The following TENM3 variants were observed in gnomAD, a reference collection of about 807,000 sequenced individuals.
The protein encoded by TENM3 is teneurin-3.
Under a neutral mutation model 255.1 loss-of-function variants are expected in TENM3, and 63 were observed. That is an observed-to-expected ratio of 0.25 (90% CI 0.20 to 0.30). The LOEUF is 0.30. TENM3 is among the 10% of genes least tolerant of loss of function. The probability of loss-of-function intolerance (pLI) is 1.00; values close to 1 mark genes in which losing one functional copy is unlikely to be tolerated. For missense variants in TENM3, 2,929 were observed against 3,461.1 expected, an observed-to-expected ratio of 0.85 and a Z score of 3.86; for synonymous variants, 1,306 against 1,322.3, an observed-to-expected ratio of 0.99 and a Z score of 0.27.
chr4:182,016,449 C>A, the TENM3 span, among the ~76,000 whole-genome samples: 1 of 152,220 alleles, frequency 6.6e-6, no homozygotes. Flanking sequence ...TTTGCAACTG[C>A]TTTGAACCTA....
intron 3 of TENM3, among the ~76,000 whole-genome samples, chr4:182,547,738 T>A (rs1197836251): frequency 1.3e-5 from 2 of 152,176 alleles, no homozygotes; most frequent in African/African-American, 4.8e-5. Flanking sequence ...GACTAAACTA[T>A]CTTTTTGTGT....
chr4:181,469,771 TA>T, the TENM3 span, among the ~76,000 whole-genome samples: 6 of 152,272 alleles, frequency 3.9e-5, no homozygotes, highest in African/African-American at 1.4e-4. Context: ...TTAACAATAT[TA>T]TTCTTATTCA....
chr4:181,519,677 G>A, the TENM3 span, among the ~76,000 whole-genome samples: 1 of 152,148 alleles, frequency 6.6e-6, no homozygotes, highest in Non-Finnish European at 1.5e-5. Flanking sequence ...TTTAGTGTTA[G>A]ATCAATCACG....
rs112655413 is a variant in TENM3, at chr4:182,717,356, C to G, written c.2368+3123C>G. ...ATGGGGGCGACTTATCTTCAGCCAC[C>G]CTTTTAACACCTGTGCTGCTTTCCA... On this transcript the variant is annotated intron_variant, in intron 13 of 27. Transcript: ENST00000511685. 7.8e-4 allele frequency among the ~76,000 whole-genome samples: 118 copies of G among 152,220 alleles called. 1 individual carries two copies. In the South Asian group the frequency reaches 0.02, roughly 26 times the overall value.
chr4:181,949,797 A>C, the TENM3 span, among the ~76,000 whole-genome samples: 2 of 151,934 alleles, frequency 1.3e-5, no homozygotes. Flanking sequence ...AGTCCTCCTC[A>C]GTCCTCCTCT....
intron 1 of TENM3, among the ~76,000 whole-genome samples, chr4:182,184,826 C>T (rs888978801): frequency 6.6e-6 from 1 of 152,102 alleles, no homozygotes; most frequent in Non-Finnish European, 1.5e-5. Context: ...GTGGCTCACA[C>T]CTGTGATCCC....
At chr4:181,832,193 G>A in the TENM3 span, among the ~76,000 whole-genome samples, 3 of 152,066 alleles carry the variant, frequency 2.0e-5, no homozygotes, top group Non-Finnish European at 4.4e-5. Context: ...GTTTTCCAAT[G>A]TGTTTATGTT....
chr4:181,849,135 A>G, the TENM3 span, among the ~76,000 whole-genome samples: 1 of 152,206 alleles, frequency 6.6e-6, no homozygotes, highest in Non-Finnish European at 1.5e-5. Context: ...TATCAGTGGT[A>G]ACACAGTCAT....
intron 3 of TENM3, among the ~76,000 whole-genome samples, chr4:182,544,323 ATTTTTTT>A (rs35639483): frequency 0.016 from 1,100 of 69,338 alleles, 18 homozygotes; most frequent in African/African-American, 0.059. Context: ...AGCATTGTGG[ATTTTTTT>A]TTTTTTTTTT....
At chr4:182,074,169 A>G in the TENM3 span, among the ~76,000 whole-genome samples, 4 of 152,168 alleles carry the variant, frequency 2.6e-5, no homozygotes, top group African/African-American at 4.8e-5. Flanking sequence ...TTTCCTCGAA[A>G]CATAAAACAC....
chr4:182,356,702 T>C (rs1440020168), intron 3 of TENM3, among the ~76,000 whole-genome samples: 1 of 151,864 alleles, frequency 6.6e-6, no homozygotes, highest in Non-Finnish European at 1.5e-5. Flanking sequence ...TTTAAATATA[T>C]TTTTAAAATT....
At chr4:182,194,873 G>T (rs976904573) in intron 1 of TENM3, among the ~76,000 whole-genome samples, 1 of 152,152 alleles carries the variant, frequency 6.6e-6, no homozygotes, top group East Asian at 1.9e-4. Context: ...GACCTTTAAA[G>T]GTTAGACTGG....
the TENM3 span, among the ~76,000 whole-genome samples, chr4:181,533,934 A>G: frequency 1.1e-3 from 173 of 152,324 alleles, 1 homozygote; most frequent in Non-Finnish European, 1.9e-3. Flanking sequence ...ATTAAAATCT[A>G]AAACATAACC....
At chr4:182,446,784 T>C (rs1772949870) in intron 3 of TENM3, among the ~76,000 whole-genome samples, 2 of 152,186 alleles carry the variant, frequency 1.3e-5, no homozygotes, top group South Asian at 4.1e-4. Context: ...AACCGTGTAA[T>C]GTTCTGCCAA....
intron 3 of TENM3, among the ~76,000 whole-genome samples, chr4:182,587,099 T>A (rs1243372209): frequency 4.3e-5 from 3 of 70,200 alleles, no homozygotes; most frequent in Non-Finnish European, 8.2e-5. Flanking sequence ...CTTTTAAAAT[T>A]TTTTTTTAAG....
chr4:182,129,154 A>G, the TENM3 span, among the ~76,000 whole-genome samples: 1 of 152,228 alleles, frequency 6.6e-6, no homozygotes, highest in Non-Finnish European at 1.5e-5. Flanking sequence ...TTAAATTCAC[A>G]TAATATCATC....
At chr4:181,597,890 C>T in the TENM3 span, among the ~76,000 whole-genome samples, 1 of 152,126 alleles carries the variant, frequency 6.6e-6, no homozygotes, top group African/African-American at 2.4e-5. Flanking sequence ...TTTATTTTTG[C>T]CACCCTGTTT....
the TENM3 span, among the ~76,000 whole-genome samples, chr4:181,842,042 A>AT: frequency 3.1e-4 from 40 of 128,476 alleles, no homozygotes; most frequent in Admixed American, 1.7e-3. Flanking sequence ...TGTATCACAG[A>AT]TTTTTTCTGA....
chr4:181,814,810 C>G, the TENM3 span, among the ~76,000 whole-genome samples: 3 of 151,964 alleles, frequency 2.0e-5, no homozygotes, highest in South Asian at 6.2e-4. Flanking sequence ...CATCCATAAT[C>G]AGAGCAGAAG....
Sources: gnomAD v4.1 joint callset for allele counts (sites outside exome capture counted in the v4.1 genomes callset) on GRCh38, gnomAD v4.1.1 for gene constraint, MANE v1.5 for transcripts, NCBI Gene and HGNC (gene_info 2026-07-23, HGNC 2026-07-21) for gene names.